The following INVS variants were observed in gnomAD, a reference collection of about 807,000 sequenced individuals.
The protein encoded by INVS is inversion of embryo turning homolog.
In INVS, 86 loss-of-function variants were observed where a neutral mutation model predicts 108.8. The ratio of observed to expected loss-of-function variants is 0.79; its 90% CI spans 0.66 to 0.95. The LOEUF (loss-of-function observed/expected upper bound fraction) is 0.95. Ranked by LOEUF, INVS falls within the 40% of genes least tolerant of loss-of-function variation. The pLI is 0.00. For missense variants in INVS, 1,169 were observed against 1,297.4 expected (o/e 0.90, Z 1.52); for synonymous variants, 455 against 473.5 (o/e 0.96, Z 0.51).
chr9:100,244,654 T>C (rs1831986913), intron 7 of INVS, among the ~76,000 whole-genome samples: 1 of 152,188 alleles, frequency 6.6e-6, no homozygotes, highest in African/African-American at 2.4e-5. Context: ...ATACAAATTA[T>C]ATAAGCTCAG....
At chr9:100,259,736 G>A (rs1008575339) in intron 10 of INVS, among the ~76,000 whole-genome samples, 28 of 152,058 alleles carry the variant, frequency 1.8e-4, no homozygotes, top group African/African-American at 6.3e-4. Flanking sequence ...TTTTAGTAGA[G>A]ACGGGGTTTC....
intron 5 of INVS, among the ~76,000 whole-genome samples, chr9:100,230,702 A>G (rs1026792045): frequency 1.3e-5 from 2 of 152,068 alleles, no homozygotes; most frequent in Non-Finnish European, 2.9e-5. Flanking sequence ...TATTTTTAGT[A>G]GAGACCGGGT....
chr9:100,216,374 C>T (rs79343959), intron 3 of INVS, among the ~76,000 whole-genome samples: 3,097 of 152,270 alleles, frequency 0.02, 93 homozygotes, highest in African/African-American at 0.07. Flanking sequence ...ACAGCTACTG[C>T]CCCCTACTGG....
Position 100,204,201 on chromosome 9 carries a change from T to C in INVS, c.274-21861T>C, listed in dbSNP as rs1830614120. Among the ~76,000 whole-genome samples the C allele has an allele frequency of 2.0e-5, 3 of 152,226 alleles. No homozygotes were observed. The South Asian group carries it at 6.2e-4, about 31-fold the overall frequency. The stretch of plus-strand genomic sequence containing the variant: ...AATAATTGTTTGGTAAATTGAATGA[T>C]ATATTTATGTTTAGATAACTAGTTA... On this transcript the variant is annotated intron_variant, in intron 3 of 16. Transcript: ENST00000262457.
intron 4 of INVS, among the ~76,000 whole-genome samples, chr9:100,229,361 T>G (rs1292935161): frequency 6.6e-6 from 1 of 152,156 alleles, no homozygotes; most frequent in East Asian, 1.9e-4. Flanking sequence ...ACGGTGGGGA[T>G]ATGCTGAACA....
At chr9:100,282,250 T>C (rs989161035) in intron 12 of INVS, among the ~76,000 whole-genome samples, 1 of 152,168 alleles carries the variant, frequency 6.6e-6, no homozygotes, top group Non-Finnish European at 1.5e-5. Context: ...TGGCACCTGC[T>C]TGCATCCGTA....
chr9:100,236,108 A>G (rs1284765697), intron 5 of INVS, among the ~76,000 whole-genome samples: 1 of 151,972 alleles, frequency 6.6e-6, no homozygotes, highest in African/African-American at 2.4e-5. Flanking sequence ...CATTAAGTTG[A>G]TCTTCAGTCT....
intron 7 of INVS, among the ~76,000 whole-genome samples, chr9:100,244,039 A>G (rs1247281789): frequency 6.6e-6 from 1 of 152,048 alleles, no homozygotes; most frequent in Non-Finnish European, 1.5e-5. Context: ...AAATAATACT[A>G]TCATCAAGCG....
In INVS at chr9:100,301,416, A is replaced by AGGT. The variant is rs975428955; in HGVS notation, c.*743_*745dup. 2.6e-5 allele frequency among the ~76,000 whole-genome samples: 4 copies of AGGT among 152,190 alleles called. No homozygotes were observed. Among genetic ancestry groups the AGGT allele is most frequent in the African/African-American group, 9.7e-5 (4 of 41,448 alleles). On this transcript the variant is annotated 3_prime_UTR_variant, in exon 17 of 17. Coordinates refer to ENST00000262457, the MANE Select transcript of INVS (RefSeq NM_014425.5). ...GTATTACAGTATCAAGGATTCTGTC[A>AGGT]GGTAGGGTTTACAGACCAGACTGTT...
intron 3 of INVS, among the ~76,000 whole-genome samples, chr9:100,154,104 A>C (rs1005353972): frequency 6.6e-6 from 1 of 152,174 alleles, no homozygotes; most frequent in Non-Finnish European, 1.5e-5. Flanking sequence ...ATGTATACAC[A>C]GGGTTATTTA....
At chr9:100,157,258 C>CTTTTTTTCT (rs1829020061) in intron 3 of INVS, among the ~76,000 whole-genome samples, 3 of 121,074 alleles carry the variant, frequency 2.5e-5, no homozygotes, top group African/African-American at 1.3e-4. Context: ...GTAAAAATTT[C>CTTTTTTTCT]TTTTTTTTCT....
rs1304331837 is a variant in INVS at position 100,301,254 on chromosome 9, T to G, written c.*580T>G. Among the ~76,000 whole-genome samples, 1 of 152,012 alleles carries G rather than the reference T, an allele frequency of 6.6e-6. No homozygotes were observed. Among genetic ancestry groups the G allele is most frequent in the Non-Finnish European group, 1.5e-5 (1 of 68,006 alleles). On this transcript the variant is annotated 3_prime_UTR_variant, in exon 17 of 17. Transcript: ENST00000262457. The stretch of plus-strand genomic sequence containing the variant: ...CAGAATCATTGCCCACTGTTTTCAT[T>G]TAGAAATTGTCCAAAAGACCATAGA...
intron 11 of INVS, among the ~76,000 whole-genome samples, chr9:100,267,235 C>T (rs1588134579): frequency 6.6e-6 from 1 of 152,138 alleles, no homozygotes; most frequent in Non-Finnish European, 1.5e-5. Flanking sequence ...GTGTTTACTG[C>T]CTCCCGGAAT....
intron 12 of INVS, among the ~76,000 whole-genome samples, chr9:100,280,745 T>A (rs1239676294): frequency 1.3e-5 from 2 of 152,196 alleles, no homozygotes; most frequent in African/African-American, 4.8e-5. Context: ...AACATTTAAA[T>A]TTCAGGACAA....
chr9:100,164,719 T>A lies in INVS; in HGVS notation c.273+38170T>A, dbSNP rs146735764. On this transcript the variant is annotated intron_variant, in intron 3 of 16. Coordinates refer to ENST00000262457, the MANE Select transcript of INVS (RefSeq NM_014425.5). Reference sequence around the variant, plus strand: ...CACTTAATATCATAGTATCATAAAATGGCCAATTGATGTTCCAATTACCAT... The same window carrying A: ...CACTTAATATCATAGTATCATAAAAAGGCCAATTGATGTTCCAATTACCAT... Among the ~76,000 whole-genome samples the A allele has an allele frequency of 5.9e-3, 891 of 152,290 alleles. 5 individuals carry two copies. The highest frequency in any genetic ancestry group is 0.022 in the South Asian group (108 of 4,830).
intron 3 of INVS, among the ~76,000 whole-genome samples, chr9:100,152,287 G>C (rs1828832447): frequency 6.6e-6 from 1 of 151,882 alleles, no homozygotes; most frequent in Non-Finnish European, 1.5e-5. Flanking sequence ...AATTGAATTG[G>C]GTTCATCATG....
At chr9:100,104,750 A>G in intron 2 of INVS, 123 bp downstream of exon 2, 1 of 737,746 alleles carries the variant, frequency 1.4e-6, no homozygotes, top group Non-Finnish European at 2.4e-6. Context: ...TATTATTTAT[A>G]TTTTCTTCCA....
At chr9:100,132,252 TG>T (rs1828076779) in intron 3 of INVS, among the ~76,000 whole-genome samples, 2 of 152,172 alleles carry the variant, frequency 1.3e-5, no homozygotes, top group Non-Finnish European at 2.9e-5. Flanking sequence ...AATGAATGAA[TG>T]AATGAATGAA....
intron 5 of INVS, among the ~76,000 whole-genome samples, chr9:100,233,129 T>C (rs1373055207): frequency 6.6e-6 from 1 of 152,188 alleles, no homozygotes. Context: ...TTTCTCTTTG[T>C]AGCAATTGTG....
Sources: gnomAD v4.1 joint callset for allele counts (sites outside exome capture counted in the v4.1 genomes callset) on GRCh38, gnomAD v4.1.1 for gene constraint, MANE v1.5 for transcripts, NCBI Gene and HGNC (gene_info 2026-07-23, HGNC 2026-07-21) for gene names.